The following CLOCK variants were observed in gnomAD, a reference collection of about 807,000 sequenced individuals.
CLOCK encodes circadian locomoter output cycles protein kaput.
A neutral mutation model predicts 118.4 loss-of-function variants in CLOCK; 43 were observed. The observed-to-expected ratio is 0.36, with a 90% CI of 0.28 to 0.47. CLOCK has a LOEUF of 0.47. Ranked by LOEUF, CLOCK falls within the 20% of genes least tolerant of loss-of-function variation. The probability of loss-of-function intolerance (pLI) is 1.00; values close to 1 mark genes in which losing one functional copy is unlikely to be tolerated. For synonymous variants in CLOCK, 326 were observed against 339.2 expected (o/e 0.96, Z 0.43); for missense variants, 846 against 999.9 (o/e 0.85, Z 2.08).
intron 2 of CLOCK, among the ~76,000 whole-genome samples, chr4:55,508,792 C>A (rs972148969): frequency 6.6e-6 from 1 of 152,110 alleles, no homozygotes; most frequent in Non-Finnish European, 1.5e-5. Context: ...CGGAGTTTCA[C>A]CGTGTTAGCC....
intron 8 of CLOCK, among the ~76,000 whole-genome samples, chr4:55,467,189 A>G (rs985624194): frequency 3.3e-5 from 5 of 152,208 alleles, no homozygotes; most frequent in South Asian, 2.1e-4. Flanking sequence ...TTCAATTCCA[A>G]TGAGATCTAT....
intron 7 of CLOCK, among the ~76,000 whole-genome samples, chr4:55,474,518 T>G (rs1477850186): frequency 6.6e-6 from 1 of 152,094 alleles, no homozygotes; most frequent in Non-Finnish European, 1.5e-5. Context: ...TCAGTGCAGA[T>G]GAAACAGCCT....
chr4:55,443,849 T>G lies in CLOCK; in HGVS notation c.1740A>C (p.Gln580His). ...TATTAGATGAATTTCCAGAAGAAAG[T>G]TGAACGGAACCAAAATTCAACCCAG... ...SNPGLNFGSV[Q>H]LSSGNSSNIQ... Residue 580 changes from glutamine to histidine, a missense_variant, in exon 20 of 23, where the codon CAA (glutamine) becomes CAC (histidine). Around this residue, in one of 4 missense-constraint regions of CLOCK, gnomAD observed 520 missense variants for 558.0 expected, o/e 0.93. Transcript: ENST00000513440. The G allele has an allele frequency of 6.2e-7, 1 of 1,613,628 alleles. No individual in the cohort carries two copies. The highest frequency in any genetic ancestry group is 8.5e-7 in the Non-Finnish European group (1 of 1,179,986).
At chr4:55,489,818 C>T (rs970467075) in intron 2 of CLOCK, among the ~76,000 whole-genome samples, 5 of 151,982 alleles carry the variant, frequency 3.3e-5, no homozygotes, top group Admixed American at 6.6e-5. Flanking sequence ...GATTGTTATA[C>T]GCTTAAGACA....
In CLOCK at chr4:55,435,480, G is replaced by C. The variant is rs779685930; in HGVS notation, c.2476C>G (p.Gln826Glu). Residue 826 changes from glutamine to glutamate, a missense_variant, in exon 23 of 23, where the codon CAG becomes GAG. Gln to Glu is a conservative substitution (Grantham distance 29). This residue lies in a region of CLOCK where 520 missense variants were observed against 558.0 expected (regional missense o/e 0.93). Transcript: ENST00000513440. ...SHHQQHQSQQ[Q>E]QQLSRHRTDS... is the part of the protein sequence containing the mutation. ...GTCCTGTGCCGGCTGAGTTGCTGCT[G>C]TTGCTGAGACTGATGTTGCTGGTGA... 14 of 1,613,974 alleles carry C rather than the reference G, an allele frequency of 8.7e-6. No homozygotes were observed. Among genetic ancestry groups the C allele is most frequent in the African/African-American group, 1.3e-5 (1 of 74,920 alleles).
At chr4:55,443,967 C>CA in intron 19 of CLOCK, 71 bp from the exon 20 acceptor site, 2 of 1,350,860 alleles carry the variant, frequency 1.5e-6, no homozygotes, top group South Asian at 1.3e-5. Flanking sequence ...AAAAAGAAGG[C>CA]AAAATCAAGC....
chr4:55,535,739 C>CTTT (rs758384802), intron 1 of CLOCK, among the ~76,000 whole-genome samples: 3,113 of 124,070 alleles, frequency 0.025, 237 homozygotes, highest in African/African-American at 0.088. Flanking sequence ...ATGGGAGAAT[C>CTTT]TTTTTTTTTT....
intron 1 of CLOCK, among the ~76,000 whole-genome samples, chr4:55,544,586 G>C (rs1463910099): frequency 6.6e-6 from 1 of 152,102 alleles, no homozygotes; most frequent in African/African-American, 2.4e-5. Flanking sequence ...TTCCTTTTTA[G>C]TTGATTTTCC....
chr4:55,536,408 CA>C (rs1283516385), intron 1 of CLOCK, among the ~76,000 whole-genome samples: 1 of 152,098 alleles, frequency 6.6e-6, no homozygotes, highest in African/African-American at 2.4e-5. Context: ...CAGTAGGAGG[CA>C]ACTGGATCAT....
chr4:55,444,867 G>T, intron 18 of CLOCK, 82 bp from the exon 19 acceptor site: 1 of 1,398,000 alleles, frequency 7.2e-7, no homozygotes, highest in Non-Finnish European at 9.9e-7. Flanking sequence ...AAAGTAAGCA[G>T]TATAACATGA....
intron 2 of CLOCK, among the ~76,000 whole-genome samples, chr4:55,505,794 A>C (rs1728759082): frequency 6.6e-6 from 1 of 150,854 alleles, no homozygotes; most frequent in Non-Finnish European, 1.5e-5. Flanking sequence ...TAGTTCAAAG[A>C]GCTTCTACAT....
chr4:55,478,054 C>G (rs935733339), intron 6 of CLOCK, among the ~76,000 whole-genome samples: 1 of 152,018 alleles, frequency 6.6e-6, no homozygotes, highest in Non-Finnish European at 1.5e-5. Flanking sequence ...CTGAGCTAGG[C>G]AGAAGTAAAA....
chr4:55,480,633 G>A (rs566583444), intron 4 of CLOCK, among the ~76,000 whole-genome samples: 103 of 152,296 alleles, frequency 6.8e-4, no homozygotes, highest in African/African-American at 2.4e-3. Context: ...GCTCACGCCT[G>A]TAATCCCAGC....
chr4:55,475,938 T>C (rs1345005082), intron 7 of CLOCK, 25 bp downstream of exon 7: 1 of 1,535,606 alleles, frequency 6.5e-7, no homozygotes, highest in South Asian at 1.1e-5. Flanking sequence ...AAAATAAAAC[T>C]TTCAAAAATT....
intron 7 of CLOCK, among the ~76,000 whole-genome samples, chr4:55,472,108 T>TTAA (rs1443693357): frequency 6.6e-6 from 1 of 150,936 alleles, no homozygotes; most frequent in East Asian, 1.9e-4. Flanking sequence ...AAAAAGAAAA[T>TTAA]GATAGAGAAG....
At chr4:55,507,223 G>A (rs1411538994) in intron 2 of CLOCK, among the ~76,000 whole-genome samples, 1 of 152,096 alleles carries the variant, frequency 6.6e-6, no homozygotes, top group Non-Finnish European at 1.5e-5. Flanking sequence ...GCTAAGGTGC[G>A]ACGATCGCTT....
intron 1 of CLOCK, among the ~76,000 whole-genome samples, chr4:55,529,793 A>G (rs1730421432): frequency 6.6e-6 from 1 of 152,210 alleles, no homozygotes; most frequent in African/African-American, 2.4e-5. Flanking sequence ...AAACCCACAC[A>G]GTCAGGAAGT....
intron 18 of CLOCK, among the ~76,000 whole-genome samples, chr4:55,447,719 T>G (rs1723985883): frequency 6.6e-6 from 1 of 152,178 alleles, no homozygotes. Context: ...AGTATGTATC[T>G]CCTATCATAT....
chr4:55,445,582 C>CTTTTTTTTTTTTTTTTTTTTTT lies in CLOCK; in HGVS notation c.1540-819_1540-798dup, dbSNP rs56157186. Among the ~76,000 whole-genome samples the CTTTTTTTTTTTTTTTTTTTTTT allele has an allele frequency of 2.2e-3, 150 of 68,592 alleles. 35 individuals are homozygous for CTTTTTTTTTTTTTTTTTTTTTT. The highest frequency in any genetic ancestry group is 0.01 in the Middle Eastern group (1 of 100). 45.0% of individuals were successfully genotyped at this position (68,592 alleles called of 152,430 possible). A position where few individuals can be genotyped will look rare whatever the true frequency, so the allele number is the denominator to read the frequency against. On this transcript the variant is annotated intron_variant, in intron 18 of 22. Coordinates refer to ENST00000513440, the MANE Select transcript of CLOCK (RefSeq NM_004898.4). ...TCTCTGCATCTGCTATTTCTATATTCTTTTTTTTTTTTTTTTTTTTTTTTT... is the reference window on the plus strand; with the variant it reads ...TCTCTGCATCTGCTATTTCTATATTCTTTTTTTTTTTTTTTTTTTTTTTTTTTTTTTTTTTTTTTTTTTTTTT...
Sources: allele counts gnomAD v4.1 joint callset (sites outside exome capture counted in the v4.1 genomes callset), GRCh38; gene constraint gnomAD v4.1.1; regional missense constraint gnomAD v4.1.1; transcripts MANE v1.5; gene names NCBI Gene and HGNC (gene_info 2026-07-23, HGNC 2026-07-21).